The following FGF13 variants were observed in gnomAD, a reference collection of about 807,000 sequenced individuals.
The protein encoded by FGF13 is fibroblast growth factor 13.
Under a neutral mutation model 19.5 loss-of-function variants are expected in FGF13, and 2 were observed. That is an observed-to-expected ratio of 0.10 (90% CI 0.04 to 0.32). The LOEUF (loss-of-function observed/expected upper bound fraction) is 0.32, where lower values mean the gene tolerates loss of function less well. FGF13 is among the 10% of genes least tolerant of loss of function. FGF13 has a pLI of 1.00. For missense variants in FGF13, 113 were observed against 192.7 expected (o/e 0.59, Z 2.45); for synonymous variants, 72 against 76.9 (o/e 0.94, Z 0.33).
At chrX:139,112,453 A>C (rs948139647) in intron 1 of FGF13, among the ~76,000 whole-genome samples, 1 of 111,942 alleles carries the variant, frequency 8.9e-6, no homozygotes, top group African/African-American at 3.2e-5. Context: ...TTTCATATTA[A>C]ATAAAAAATC....
At chrX:139,160,331 A>G (rs1359353089) in intron 1 of FGF13, among the ~76,000 whole-genome samples, 1 of 112,361 alleles carries the variant, frequency 8.9e-6, no homozygotes, top group Non-Finnish European at 1.9e-5. Context: ...TGTAGGACAC[A>G]GCTAAAGCAG....
chrX:138,900,965 T>TTAA (rs1401179571), intron 1 of FGF13, among the ~76,000 whole-genome samples: 48 of 112,149 alleles, frequency 4.3e-4, no homozygotes, highest in Non-Finnish European at 6.6e-4. Flanking sequence ...GGTCTCATTC[T>TTAA]TAATACCAAC....
At chrX:138,711,778 C>G (rs1026011884), upstream of FGF13, 7 of 608,229 alleles carry the variant, frequency 1.2e-5, no homozygotes, top group Non-Finnish European at 1.2e-5. Flanking sequence ...CCCGTAGGCT[C>G]GGAGCCGCAG....
chrX:139,200,010 A>G (rs2084403183), intron 1 of FGF13, among the ~76,000 whole-genome samples: 1 of 111,882 alleles, frequency 8.9e-6, no homozygotes, highest in East Asian at 2.8e-4. Flanking sequence ...GAACAGACCA[A>G]TATTTCTGAT....
At chrX:138,663,997 T>C (rs920869849) in intron 3 of FGF13, among the ~76,000 whole-genome samples, 3 of 111,770 alleles carry the variant, frequency 2.7e-5, no homozygotes, top group African/African-American at 9.7e-5. Context: ...TTCTTTGTCA[T>C]CTGATCATCT....
intron 1 of FGF13, among the ~76,000 whole-genome samples, chrX:139,043,147 G>A (rs2124405260): frequency 9.0e-6 from 1 of 111,241 alleles, no homozygotes; most frequent in African/African-American, 3.3e-5. Flanking sequence ...ACCCCAAGGA[G>A]GAGGAAGTTA....
chrX:139,151,261 G>A (rs1603222843), intron 1 of FGF13, among the ~76,000 whole-genome samples: 1 of 111,699 alleles, frequency 9.0e-6, no homozygotes, highest in Admixed American at 9.5e-5. Flanking sequence ...TACAAAATGT[G>A]TGCCAGATCA....
At chrX:139,124,518 C>CAGGGCCTACAAGTGAGCAT (rs1371047202) in intron 1 of FGF13, among the ~76,000 whole-genome samples, 6 of 111,598 alleles carry the variant, frequency 5.4e-5, no homozygotes, top group Non-Finnish European at 1.1e-4. Flanking sequence ...CCTTGCAACA[C>CAGGGCCTACAAGTGAGCAT]AGGGCCTACA....
At position 138,866,338 on chromosome X, in the gene FGF13, T is replaced by C. The variant is rs760408355; in HGVS notation, c.-112-1688A>G. Among the ~76,000 whole-genome samples the C allele has an allele frequency of 3.6e-5, 4 of 112,409 alleles. No homozygotes were observed. The Admixed American group carries it at 3.8e-4, about 11-fold the overall frequency. ...TCTGAAGAAGCCAAGAGAAAAAACA[T>C]AAACGTATGCACAATTAACTGCAAA... On this transcript the variant is annotated intron_variant, in intron 1 of 2. Transcript: ENST00000421460.
intron 1 of FGF13, among the ~76,000 whole-genome samples, chrX:138,865,983 C>A (rs1422899954): frequency 8.9e-6 from 1 of 112,185 alleles, no homozygotes; most frequent in Non-Finnish European, 1.9e-5. Context: ...CAGAGCAGTC[C>A]AAGCTCGCAG....
At chrX:139,159,660 A>G (rs1345743296) in intron 1 of FGF13, among the ~76,000 whole-genome samples, 1 of 108,794 alleles carries the variant, frequency 9.2e-6, no homozygotes, top group African/African-American at 3.4e-5. Flanking sequence ...GAAAGCAAAA[A>G]AAAAAAAAAA....
intron 1 of FGF13, among the ~76,000 whole-genome samples, chrX:138,953,062 G>A (rs1460634843): frequency 9.0e-6 from 1 of 111,664 alleles, no homozygotes; most frequent in Non-Finnish European, 1.9e-5. Context: ...ATTTGACTCA[G>A]CAATCCCATT....
intron 3 of FGF13, among the ~76,000 whole-genome samples, chrX:138,662,900 G>A (rs1984661358): frequency 9.0e-6 from 1 of 111,288 alleles, no homozygotes; most frequent in African/African-American, 3.3e-5. Flanking sequence ...GTGTTTCTTT[G>A]TTCTAGAAGG....
intron 1 of FGF13, among the ~76,000 whole-genome samples, chrX:138,729,983 A>G (rs756116288): frequency 7.1e-5 from 8 of 111,942 alleles, no homozygotes; most frequent in Non-Finnish European, 1.5e-4. Context: ...ATAAGTTTTC[A>G]GAAAAAAAGA....
rs182232716 is a variant in FGF13, at chrX:139,199,045, G to A, written c.-113+4371C>T. ...TTTCAAGTTGATGAAAACTAACTAA[G>A]ATGACCCACATTACACAGGACAATG... is the stretch of plus-strand genomic sequence containing the variant. On this transcript the variant is annotated intron_variant, in intron 1 of 2. Transcript: ENST00000421460. Among the ~76,000 whole-genome samples, 67 of 112,598 alleles carry A rather than the reference G, an allele frequency of 6.0e-4. 2 individuals are homozygous for A. Among genetic ancestry groups the A allele is most frequent in the Middle Eastern group, 9.2e-3 (2 of 217 alleles).
At chrX:139,117,778 A>ACCTC (rs1266312485) in intron 1 of FGF13, among the ~76,000 whole-genome samples, 9 of 111,214 alleles carry the variant, frequency 8.1e-5, no homozygotes, top group Non-Finnish European at 7.6e-5. Flanking sequence ...CTGGGGTAAT[A>ACCTC]CCTCCCTGTT....
At chrX:138,660,388 C>T (rs2089479471) in intron 3 of FGF13, among the ~76,000 whole-genome samples, 2 of 111,780 alleles carry the variant, frequency 1.8e-5, no homozygotes, top group South Asian at 7.5e-4. Context: ...TACACTTTGT[C>T]TAGCAAGGCA....
At chrX:138,643,279 C>T (rs1442123420) in intron 3 of FGF13, among the ~76,000 whole-genome samples, 1 of 112,156 alleles carries the variant, frequency 8.9e-6, no homozygotes, top group Non-Finnish European at 1.9e-5. Context: ...GCTCTCCATT[C>T]TTCCAAAACA....
upstream of FGF13, among the ~76,000 whole-genome samples, chrX:139,203,895 A>T (rs969122856): frequency 9.1e-6 from 1 of 110,077 alleles, no homozygotes; most frequent in Admixed American, 9.5e-5. Context: ...ACCTAGATCC[A>T]CCCCCTAGCG....
Sources: gnomAD v4.1 joint callset for allele counts (sites outside exome capture counted in the v4.1 genomes callset) on GRCh38, gnomAD v4.1.1 for gene constraint, MANE v1.5 for transcripts, NCBI Gene and HGNC (gene_info 2026-07-23, HGNC 2026-07-21) for gene names.